The following OSBPL11 variants were observed in gnomAD, a reference collection of about 807,000 sequenced individuals.
OSBPL11 encodes oxysterol binding protein like 11.
In OSBPL11, 33 loss-of-function variants were observed where a neutral mutation model predicts 84.4. That is an observed-to-expected ratio of 0.39 (90% confidence interval 0.30 to 0.52). OSBPL11 has a LOEUF of 0.52. OSBPL11 is among the 20% of genes least tolerant of loss of function. The pLI, the probability that OSBPL11 is intolerant of heterozygous loss-of-function variation, is 0.72. For missense variants in OSBPL11, 736 were observed against 901.1 expected (o/e 0.82, Z 2.35); for synonymous variants, 276 against 310.2 (o/e 0.89, Z 1.16).
intron 3 of OSBPL11, among the ~76,000 whole-genome samples, chr3:125,579,261 G>A (rs1220766785): frequency 6.6e-6 from 1 of 152,154 alleles, no homozygotes; most frequent in Non-Finnish European, 1.5e-5. Flanking sequence ...GAAATTACAT[G>A]CAGTGAGGTG....
chr3:125,587,838 C>T (rs1936537678), intron 1 of OSBPL11, among the ~76,000 whole-genome samples: 1 of 152,160 alleles, frequency 6.6e-6, no homozygotes, highest in South Asian at 2.1e-4. Context: ...ACTCAGGACA[C>T]TGAGATGGGA....
At chr3:125,554,123 C>G (rs1006054159) in intron 8 of OSBPL11, among the ~76,000 whole-genome samples, 1 of 152,162 alleles carries the variant, frequency 6.6e-6, no homozygotes, top group African/African-American at 2.4e-5. Flanking sequence ...ACTCAAACCC[C>G]CAACTCCACA....
intron 6 of OSBPL11, 79 bp downstream of exon 6, chr3:125,567,315 A>G: frequency 1.6e-6 from 2 of 1,265,882 alleles, no homozygotes; most frequent in Non-Finnish European, 2.2e-6. Flanking sequence ...AGATTTTCTG[A>G]AATTAGAATT....
intron 1 of OSBPL11, 30 bp downstream of exon 1, chr3:125,594,607 C>T (rs759631611): frequency 6.2e-7 from 1 of 1,603,678 alleles, no homozygotes; most frequent in South Asian, 1.1e-5. Context: ...ACCTCCACCT[C>T]GGGAAATAAT....
Position 125,567,534 on chromosome 3 carries a change from G to A in OSBPL11, c.728C>T (p.Thr243Ile). The part of the protein sequence containing the change: ...DLIRRIECLP[T>I]SGHLSSLDQD... ...GTCCAAGGAACTAAGATGGCCAGAA[G>A]TAGGAAGGCATTCAATTCGTCTAAT... The change falls in exon 6 of 13, where the codon ACT (threonine) becomes ATT (isoleucine). Residue 243 changes from threonine to isoleucine, a missense_variant. Physicochemically the swap from Thr to Ile is moderately conservative, Grantham distance 89. Coordinates refer to ENST00000296220, the MANE Select transcript of OSBPL11 (RefSeq NM_022776.5). 6.2e-7 allele frequency: 1 copy of A among 1,614,180 alleles called. No individual in the cohort carries two copies. Among genetic ancestry groups the A allele is most frequent in the Non-Finnish European group, 8.5e-7 (1 of 1,179,996 alleles).
At chr3:125,566,782 A>G (rs540180738) in intron 6 of OSBPL11, among the ~76,000 whole-genome samples, 29 of 151,232 alleles carry the variant, frequency 1.9e-4, no homozygotes, top group South Asian at 6.3e-4. Flanking sequence ...ATATGTGTGT[A>G]TATATATATA....
rs966163331 is a variant in OSBPL11 at position 125,595,261 on chromosome 3, G to A, written c.-461C>T. Among the ~76,000 whole-genome samples, 2 of 152,124 alleles carry A rather than the reference G, an allele frequency of 1.3e-5. No individual in the cohort carries two copies. Among genetic ancestry groups the A allele is most frequent in the Non-Finnish European group, 2.9e-5 (2 of 68,008 alleles). The stretch of plus-strand genomic sequence containing the variant: ...TCAGGCAGTGCGTCCAGTCAAGCCC[G>A]CTCGGCAGTTCCCGCCGCAGCCCCC... On this transcript the variant is annotated 5_prime_UTR_variant, in exon 1 of 13. Transcript: ENST00000296220.
chr3:125,592,390 GAA>G (rs1170002687), intron 1 of OSBPL11, among the ~76,000 whole-genome samples: 1 of 152,122 alleles, frequency 6.6e-6, no homozygotes, highest in Non-Finnish European at 1.5e-5. Context: ...GAAATGGATG[GAA>G]AAGAGGAATA....
chr3:125,538,597 A>G lies in OSBPL11; in HGVS notation c.1878T>C (p.Thr626=). 1 of 1,611,876 alleles carries G rather than the reference A, an allele frequency of 6.2e-7. No homozygotes were observed. The highest frequency in any genetic ancestry group is 8.5e-7 in the Non-Finnish European group (1 of 1,179,128). Residue 626 remains threonine (T), a synonymous_variant, in exon 11 of 13, where the codon ACT becomes ACC. Transcript: ENST00000296220. ...TAEVKHNITN[T]VVCRVQGEWN... Reference sequence around the variant, plus strand: ...ATTCCCCTTGCACTCTGCATACCACAGTGTTGGTGATGTTGTGCTTTACTT... The same window carrying G: ...ATTCCCCTTGCACTCTGCATACCACGGTGTTGGTGATGTTGTGCTTTACTT...
chr3:125,568,090 T>C (rs975049466), intron 5 of OSBPL11, among the ~76,000 whole-genome samples: 1 of 151,312 alleles, frequency 6.6e-6, no homozygotes, highest in African/African-American at 2.4e-5. Flanking sequence ...GCTTATCAAT[T>C]GGGCAAAAGA....
intron 6 of OSBPL11, 109 bp downstream of exon 6, chr3:125,567,282 TTTC>T: frequency 1.1e-6 from 1 of 934,932 alleles, no homozygotes; most frequent in Non-Finnish European, 1.6e-6. Context: ...AGGCTCTGGT[TTTC>T]TTCTCCTTTT....
intron 9 of OSBPL11, among the ~76,000 whole-genome samples, chr3:125,548,368 AT>A (rs1233385274): frequency 2.0e-5 from 3 of 152,170 alleles, no homozygotes; most frequent in African/African-American, 7.2e-5. Flanking sequence ...TTCTATGTAT[AT>A]TAAGAAAGAA....
At chr3:125,534,592 A>T (rs920364997) in intron 11 of OSBPL11, among the ~76,000 whole-genome samples, 1 of 151,762 alleles carries the variant, frequency 6.6e-6, no homozygotes, top group Non-Finnish European at 1.5e-5. Context: ...AGTTAAAAAA[A>T]AAAAACCCAC....
intron 10 of OSBPL11, among the ~76,000 whole-genome samples, chr3:125,541,660 C>T (rs1244259734): frequency 6.6e-6 from 1 of 152,194 alleles, no homozygotes; most frequent in Non-Finnish European, 1.5e-5. Flanking sequence ...TTAATGCAGC[C>T]TTGACCACTT....
chr3:125,572,831 C>T (rs1936261679), intron 5 of OSBPL11, among the ~76,000 whole-genome samples: 2 of 144,848 alleles, frequency 1.4e-5, no homozygotes, highest in African/African-American at 2.5e-5. Flanking sequence ...TTTATGTATA[C>T]ATATATATAT....
chr3:125,579,277 G>A (rs1455169350), intron 3 of OSBPL11, among the ~76,000 whole-genome samples: 3 of 152,144 alleles, frequency 2.0e-5, no homozygotes, highest in African/African-American at 7.2e-5. Flanking sequence ...AGGTGAGGAT[G>A]AGAGACTGAC....
chr3:125,569,461 A>G (rs1936211508), intron 5 of OSBPL11, among the ~76,000 whole-genome samples: 1 of 152,248 alleles, frequency 6.6e-6, no homozygotes, highest in Admixed American at 6.5e-5. Flanking sequence ...ACATTTATAC[A>G]TGCATATATA....
chr3:125,537,159 CAAA>C (rs574427912), intron 11 of OSBPL11, among the ~76,000 whole-genome samples: 8 of 88,224 alleles, frequency 9.1e-5, no homozygotes, highest in Middle Eastern at 6.7e-3. Context: ...GACCCTGTCT[CAAA>C]AAAAAAAAAA....
intron 5 of OSBPL11, among the ~76,000 whole-genome samples, chr3:125,575,831 C>T (rs960268294): frequency 5.9e-5 from 9 of 151,844 alleles, no homozygotes; most frequent in African/African-American, 2.2e-4. Context: ...GCCATCATGC[C>T]TGGCCTATAT....
Sources: allele counts gnomAD v4.1 joint callset (sites outside exome capture counted in the v4.1 genomes callset), GRCh38; gene constraint gnomAD v4.1.1; transcripts MANE v1.5; gene names NCBI Gene and HGNC (gene_info 2026-07-23, HGNC 2026-07-21).